Variants in CREB5 observed in about 807,000 individuals in gnomAD.
CREB5 encodes cAMP responsive element binding protein 5, also known as cyclic AMP-responsive element-binding protein 5.
A neutral mutation model predicts 57.1 loss-of-function variants in CREB5; 19 were observed. The observed-to-expected ratio is 0.33, with a 90% CI of 0.23 to 0.49. The LOEUF is 0.49. Among genes scored for constraint, CREB5 ranks in the 20% least tolerant of loss-of-function variants. CREB5 has a pLI of 0.99. For synonymous variants in CREB5, 238 were observed against 238.3 expected, an observed-to-expected ratio of 1.00 and a Z score of 0.01; for missense variants, 579 against 671.6, an observed-to-expected ratio of 0.86 and a Z score of 1.52.
chr7:28,339,304 G>A (rs950840631), intron 1 of CREB5, among the ~76,000 whole-genome samples: 2 of 152,138 alleles, frequency 1.3e-5, no homozygotes, highest in African/African-American at 4.8e-5. Flanking sequence ...TGAGTGTTGT[G>A]ATCTAAGTTT....
chr7:28,561,096 C>T (rs1301416131), intron 4 of CREB5, among the ~76,000 whole-genome samples: 1 of 152,050 alleles, frequency 6.6e-6, no homozygotes, highest in Non-Finnish European at 1.5e-5. Context: ...CCCTACTTTT[C>T]ATATTCCTTC....
chr7:28,368,082 A>G (rs1343042518), intron 1 of CREB5, among the ~76,000 whole-genome samples: 1 of 152,186 alleles, frequency 6.6e-6, no homozygotes, highest in Non-Finnish European at 1.5e-5. Flanking sequence ...CTAAAACACT[A>G]TACAAAAAAT....
intron 5 of CREB5, among the ~76,000 whole-genome samples, chr7:28,651,704 C>T (rs550714220): frequency 1.3e-3 from 196 of 152,334 alleles, no homozygotes; most frequent in Non-Finnish European, 2.0e-3. Flanking sequence ...AACTTTCTTT[C>T]CTCCTATCCA....
At chr7:28,379,282 C>T (rs1431466519) in intron 1 of CREB5, among the ~76,000 whole-genome samples, 3 of 152,186 alleles carry the variant, frequency 2.0e-5, no homozygotes, top group South Asian at 2.1e-4. Flanking sequence ...TGGATACAGA[C>T]GCTATCTACT....
chr7:28,696,899 C>G (rs1315812227), intron 5 of CREB5, among the ~76,000 whole-genome samples: 1 of 151,392 alleles, frequency 6.6e-6, no homozygotes, highest in Non-Finnish European at 1.5e-5. Flanking sequence ...CACATACTCA[C>G]ATTACATACA....
chr7:28,622,273 A>T (rs939103432), intron 5 of CREB5, among the ~76,000 whole-genome samples: 2 of 151,548 alleles, frequency 1.3e-5, no homozygotes, highest in African/African-American at 4.9e-5. Context: ...ACACACACAC[A>T]CACACACACA....
intron 5 of CREB5, among the ~76,000 whole-genome samples, chr7:28,606,058 T>C (rs960984351): frequency 1.3e-5 from 2 of 152,326 alleles, no homozygotes; most frequent in Admixed American, 6.5e-5. Context: ...AAAATTGCAA[T>C]TAGAATAAGA....
chr7:28,660,724 C>G (rs1799579862), intron 5 of CREB5, among the ~76,000 whole-genome samples: 1 of 152,086 alleles, frequency 6.6e-6, no homozygotes, highest in South Asian at 2.1e-4. Context: ...CTTTTCCTCC[C>G]TTTCTTCTTC....
chr7:28,500,790 C>A (rs1001367615), intron 3 of CREB5, among the ~76,000 whole-genome samples: 1 of 152,048 alleles, frequency 6.6e-6, no homozygotes, highest in African/African-American at 2.4e-5. Context: ...TTTTTTAGAA[C>A]GAGTTAGGGT....
At chr7:28,394,407 T>TA (rs916074743) in intron 1 of CREB5, among the ~76,000 whole-genome samples, 40 of 151,832 alleles carry the variant, frequency 2.6e-4, no homozygotes, top group African/African-American at 8.7e-4. Flanking sequence ...TGGAGTAGAT[T>TA]AAAAAAAATA....
chr7:28,663,490 G>T (rs1193046967), intron 5 of CREB5, among the ~76,000 whole-genome samples: 1 of 152,124 alleles, frequency 6.6e-6, no homozygotes, highest in Admixed American at 6.5e-5. Context: ...ATGGGTGTGA[G>T]CCACCGCACT....
intron 7 of CREB5, among the ~76,000 whole-genome samples, chr7:28,791,517 A>C (rs1272423334): frequency 3.3e-5 from 5 of 152,224 alleles, no homozygotes; most frequent in Admixed American, 6.5e-5. Flanking sequence ...CTAAGAGATC[A>C]CTTAACATTT....
intron 5 of CREB5, among the ~76,000 whole-genome samples, chr7:28,626,832 T>C (rs1286501936): frequency 1.3e-5 from 2 of 152,140 alleles, no homozygotes; most frequent in East Asian, 3.9e-4. Context: ...AAAGGGAGCC[T>C]ACCGGGGGCC....
chr7:28,773,300 T>C (rs946431251), intron 7 of CREB5, among the ~76,000 whole-genome samples: 1 of 152,198 alleles, frequency 6.6e-6, no homozygotes, highest in Non-Finnish European at 1.5e-5. Context: ...TATTTACCCT[T>C]AATTAGGAAA....
chr7:28,590,057 G>C (rs1796442714), intron 5 of CREB5, among the ~76,000 whole-genome samples: 1 of 152,092 alleles, frequency 6.6e-6, no homozygotes, highest in African/African-American at 2.4e-5. Context: ...TGGAGAAATA[G>C]GAACACTTTT....
At chr7:28,654,384 C>T (rs1170484743) in intron 5 of CREB5, among the ~76,000 whole-genome samples, 2 of 152,210 alleles carry the variant, frequency 1.3e-5, no homozygotes, top group African/African-American at 4.8e-5. Context: ...TAATACAGTA[C>T]AGCACTTTGA....
At chr7:28,658,641 G>A (rs1245378321) in intron 5 of CREB5, among the ~76,000 whole-genome samples, 1 of 152,146 alleles carries the variant, frequency 6.6e-6, no homozygotes, top group African/African-American at 2.4e-5. Context: ...GCCTGGCCAA[G>A]TGGCCCACAA....
intron 1 of CREB5, among the ~76,000 whole-genome samples, chr7:28,413,480 A>T (rs1468243807): frequency 3.3e-5 from 5 of 152,114 alleles, no homozygotes; most frequent in Admixed American, 6.5e-5. Context: ...TCCTTTGCTT[A>T]TAGCATTTTA....
At chr7:28,354,468 G>T (rs1388859381) in intron 1 of CREB5, among the ~76,000 whole-genome samples, 2 of 152,164 alleles carry the variant, frequency 1.3e-5, no homozygotes, top group Middle Eastern at 3.2e-3. Context: ...GACTCAAACT[G>T]GCTCTCCTTG....
Sources: allele counts gnomAD v4.1 joint callset (sites outside exome capture counted in the v4.1 genomes callset), GRCh38; gene constraint gnomAD v4.1.1; transcripts MANE v1.5; gene names NCBI Gene and HGNC (gene_info 2026-07-23, HGNC 2026-07-21).